Variants in ZFHX4 observed in about 807,000 individuals in gnomAD.
ZFHX4 encodes the protein zinc finger homeobox 4.
Under a neutral mutation model 267.6 loss-of-function variants are expected in ZFHX4, and 56 were observed. That is an observed-to-expected ratio of 0.21 (90% CI 0.17 to 0.26). The LOEUF (loss-of-function observed/expected upper bound fraction) is 0.26. Ranked by LOEUF, ZFHX4 falls within the 10% of genes least tolerant of loss-of-function variation. ZFHX4 has a pLI of 1.00. For missense variants in ZFHX4, 4,332 were observed against 4,420.0 expected (o/e 0.98, Z 0.56); for synonymous variants, 1,778 against 1,665.6 (o/e 1.07, Z -1.64).
chr8:76,826,532 A>C (rs1000940688), intron 4 of ZFHX4, among the ~76,000 whole-genome samples: 4 of 152,248 alleles, frequency 2.6e-5, no homozygotes, highest in South Asian at 2.1e-4. Context: ...TAACTGTGGA[A>C]TAGAAAATAG....
intron 4 of ZFHX4, among the ~76,000 whole-genome samples, chr8:76,798,181 G>A (rs1055822114): frequency 1.3e-5 from 2 of 152,100 alleles, no homozygotes; most frequent in African/African-American, 4.8e-5. Flanking sequence ...CTTCACTGTG[G>A]TTCAGTAATT....
intron 10 of ZFHX4, among the ~76,000 whole-genome samples, chr8:76,861,485 A>G (rs540732336): frequency 1.3e-5 from 2 of 152,290 alleles, no homozygotes; most frequent in South Asian, 4.1e-4. Context: ...GTCTATCACT[A>G]TTAAAACTGT....
rs1226194384 is a variant in ZFHX4 at position 76,865,162 on chromosome 8, T to C, written c.*597T>C. 6.5e-6 allele frequency: 1 copy of C among 152,698 alleles called. No homozygotes were observed. The highest frequency in any genetic ancestry group is 1.5e-5 in the Non-Finnish European group (1 of 68,114). The allele number at this position is 152,698 out of a possible 1,614,324, so 9.5% of individuals were successfully genotyped here. On this transcript the variant is annotated 3_prime_UTR_variant, in exon 11 of 11. Coordinates refer to ENST00000651372, the MANE Select transcript of ZFHX4 (RefSeq NM_024721.5). ...TCCTTGAGCTCACGCTGCAGGATAG[T>C]ACAGTTTTACCGCAGAGGGAATCTG... is the stretch of plus-strand genomic sequence containing the variant.
intron 3 of ZFHX4, among the ~76,000 whole-genome samples, chr8:76,722,142 T>C (rs1808738344): frequency 6.6e-6 from 1 of 152,104 alleles, no homozygotes; most frequent in Non-Finnish European, 1.5e-5. Context: ...ATGGGTATGA[T>C]GAGATCAATC....
chr8:76,796,648 A>G (rs1475951037), intron 4 of ZFHX4, among the ~76,000 whole-genome samples: 2 of 152,174 alleles, frequency 1.3e-5, no homozygotes, highest in African/African-American at 4.8e-5. Context: ...GAAGAACTGG[A>G]ACCAACTGTA....
At chr8:76,698,309 A>C (rs1423992780) in intron 1 of ZFHX4, among the ~76,000 whole-genome samples, 1 of 152,176 alleles carries the variant, frequency 6.6e-6, no homozygotes, top group Non-Finnish European at 1.5e-5. Context: ...AAAATGAGTC[A>C]TATAATAGTG....
At chr8:76,716,863 A>G (rs1290734629) in intron 3 of ZFHX4, among the ~76,000 whole-genome samples, 1 of 152,210 alleles carries the variant, frequency 6.6e-6, no homozygotes, top group Non-Finnish European at 1.5e-5. Context: ...GGTATATTAA[A>G]TAGAAAGGAC....
At chr8:76,712,016 C>T (rs1808437698) in intron 3 of ZFHX4, among the ~76,000 whole-genome samples, 1 of 152,148 alleles carries the variant, frequency 6.6e-6, no homozygotes, top group African/African-American at 2.4e-5. Context: ...AAAGTCAAAG[C>T]CTTAATTATA....
chr8:76,745,791 G>T (rs1274389220), intron 3 of ZFHX4, among the ~76,000 whole-genome samples: 1 of 152,098 alleles, frequency 6.6e-6, no homozygotes, highest in Non-Finnish European at 1.5e-5. Context: ...AAATAGCATT[G>T]TTTGAAGCTT....
Position 76,704,442 on chromosome 8 carries a change from G to C in ZFHX4, c.354G>C (p.Glu118Asp). Reference protein sequence around the residue: ...LKDDNESEISELEDSDVENLT... With the variant: ...LKDDNESEISDLEDSDVENLT... The stretch of plus-strand genomic sequence containing the variant: ...ATGACAACGAGAGCGAGATCAGCGA[G>C]TTAGAGGACAGTGACGTGGAAAATC... Residue 118 changes from glutamate (E) to aspartate (D), a missense_variant, in exon 2 of 11, where the codon GAG becomes GAC. Physicochemically the swap from Glu to Asp is conservative, Grantham distance 45. This residue lies in a region of ZFHX4 where 1,195 missense variants were observed against 1,173.6 expected (regional missense o/e 1.02). Transcript: ENST00000651372. 1.2e-6 allele frequency: 2 copies of C among 1,614,014 alleles called. No homozygotes were observed. Among genetic ancestry groups the C allele is most frequent in the Non-Finnish European group, 1.7e-6 (2 of 1,179,898 alleles).
At chr8:76,795,362 C>T (rs1301640548) in intron 4 of ZFHX4, among the ~76,000 whole-genome samples, 1 of 152,062 alleles carries the variant, frequency 6.6e-6, no homozygotes, top group Non-Finnish European at 1.5e-5. Flanking sequence ...CAGCCTCAAC[C>T]TTCAGGGCTC....
intron 3 of ZFHX4, among the ~76,000 whole-genome samples, chr8:76,770,014 G>A (rs550724588): frequency 5.6e-4 from 85 of 152,160 alleles, no homozygotes; most frequent in African/African-American, 1.9e-3. Flanking sequence ...CCTGGCTTCC[G>A]CAAAACTGAG....
rs78736543 is a variant in ZFHX4, at chr8:76,687,504, T to C, written c.-47+5884T>C. On this transcript the variant is annotated intron_variant, in intron 1 of 10. Transcript: ENST00000651372. ...TCTTTCATAATTTGTTTCTGATTAA[T>C]AGACCAGAGTGAGTCTCATTCTTTT... Among the ~76,000 whole-genome samples, 15 of 152,332 alleles carry C rather than the reference T, an allele frequency of 9.8e-5. No homozygotes were observed. In the East Asian group the frequency reaches 2.9e-3, roughly 29 times the overall value.
intron 3 of ZFHX4, among the ~76,000 whole-genome samples, chr8:76,713,650 TC>T (rs1808488524): frequency 6.6e-6 from 1 of 152,150 alleles, no homozygotes; most frequent in Non-Finnish European, 1.5e-5. Flanking sequence ...CCTATCTAAT[TC>T]CCCACAGAAA....
chr8:76,713,077 T>A (rs1481041623), intron 3 of ZFHX4, among the ~76,000 whole-genome samples: 1 of 152,342 alleles, frequency 6.6e-6, no homozygotes, highest in East Asian at 1.9e-4. Context: ...CTATCAACTA[T>A]GTCTACTTCT....
chr8:76,735,029 G>A (rs537873213), intron 3 of ZFHX4, among the ~76,000 whole-genome samples: 109 of 152,208 alleles, frequency 7.2e-4, no homozygotes, highest in African/African-American at 2.5e-3. Context: ...GAGGAACCAA[G>A]TCTATCCTAG....
intron 1 of ZFHX4, among the ~76,000 whole-genome samples, chr8:76,693,031 T>C (rs938062108): frequency 6.6e-6 from 1 of 152,144 alleles, no homozygotes; most frequent in East Asian, 1.9e-4. Context: ...GCAATTAGCA[T>C]CTTAACATTT....
intron 4 of ZFHX4, among the ~76,000 whole-genome samples, chr8:76,806,622 T>C (rs1049315880): frequency 1.2e-4 from 19 of 152,066 alleles, no homozygotes; most frequent in African/African-American, 4.3e-4. Context: ...GTTTATAACT[T>C]TCAAGAGATT....
chr8:76,713,243 C>T (rs529491184), intron 3 of ZFHX4, among the ~76,000 whole-genome samples: 22 of 151,406 alleles, frequency 1.5e-4, no homozygotes, highest in East Asian at 3.9e-4. Context: ...AGAAAAGTGA[C>T]GAAAAATCTG....
Sources: allele counts gnomAD v4.1 joint callset (sites outside exome capture counted in the v4.1 genomes callset), GRCh38; gene constraint gnomAD v4.1.1; regional missense constraint gnomAD v4.1.1; transcripts MANE v1.5; gene names NCBI Gene and HGNC (gene_info 2026-07-23, HGNC 2026-07-21).